EFHD2: variants seen among roughly 807,000 people sequenced by gnomAD.
EFHD2 encodes the protein EF-hand domain-containing protein D2.
EFHD2 carries 12 observed loss-of-function variants against 20.3 expected under a neutral mutation model. The ratio of observed to expected loss-of-function variants is 0.59; its 90% CI spans 0.38 to 0.96. The LOEUF (loss-of-function observed/expected upper bound fraction) is 0.96. Ranked by LOEUF, EFHD2 falls within the 40% of genes least tolerant of loss-of-function variation. The pLI is 0.00. For synonymous variants in EFHD2, 131 were observed against 143.9 expected (o/e 0.91, Z 0.64); for missense variants, 250 against 334.3 (o/e 0.75, Z 1.97).
intron 1 of EFHD2, among the ~76,000 whole-genome samples, chr1:15,420,346 G>C (rs1707768873): frequency 6.6e-6 from 1 of 151,912 alleles, no homozygotes; most frequent in African/African-American, 2.4e-5. Flanking sequence ...TCTTTTTTGT[G>C]TTTGTTTGTC....
chr1:15,419,148 G>A (rs1012621958), intron 1 of EFHD2, among the ~76,000 whole-genome samples: 4 of 152,226 alleles, frequency 2.6e-5, no homozygotes, highest in Non-Finnish European at 4.4e-5. Flanking sequence ...AGAGGGGCAG[G>A]GGCAGGGAAG....
intron 1 of EFHD2, 124 bp from the exon 2 acceptor site, chr1:15,425,747 C>G (rs1018595728): frequency 7.2e-7 from 1 of 1,394,192 alleles, no homozygotes; most frequent in African/African-American, 1.5e-5. Flanking sequence ...AGGTCCCTTC[C>G]AACAGTGACG....
Position 15,413,382 on chromosome 1 carries a change from A to G in EFHD2, c.308+3103A>G, listed in dbSNP as rs1707580797. On this transcript the variant is annotated intron_variant, in intron 1 of 3. Transcript: ENST00000375980. The surrounding 1 kb of genome is among the most constrained non-coding windows in gnomAD (Gnocchi z 4.4). ...TGGGCCTCAGTCTACCCACCTGTAA[A>G]AGGGGCAGGCTATCCCTCATGACCC... 6.6e-6 allele frequency among the ~76,000 whole-genome samples: 1 copy of G among 152,010 alleles called. No homozygotes were observed. The highest frequency in any genetic ancestry group is 1.5e-5 in the Non-Finnish European group (1 of 67,982).
Position 15,425,926 on chromosome 1 carries a change from G to A in EFHD2, c.364G>A (p.Glu122Lys). Residue 122 changes from glutamate to lysine, a missense_variant, in exon 2 of 4, where the codon GAG becomes AAG. Glu to Lys is a moderately conservative substitution (Grantham distance 56). Around this residue, in one of 3 missense-constraint regions of EFHD2, gnomAD observed 143 missense variants for 190.6 expected, o/e 0.75. Transcript: ENST00000375980. Reference protein sequence around the residue: ...IDLMELKLMMEKLGAPQTHLG... With the variant: ...IDLMELKLMMKKLGAPQTHLG... ...CCTGATGGAGCTAAAACTCATGATG[G>A]AGAAACTTGGGGCCCCTCAGACCCA... The A allele has an allele frequency of 1.2e-6, 2 of 1,606,436 alleles. No individual in the cohort carries two copies. Among genetic ancestry groups the A allele is most frequent in the Non-Finnish European group, 1.7e-6 (2 of 1,176,916 alleles).
At chr1:15,423,661 C>T (rs1344711247) in intron 1 of EFHD2, among the ~76,000 whole-genome samples, 1 of 152,186 alleles carries the variant, frequency 6.6e-6, no homozygotes, top group Non-Finnish European at 1.5e-5. Flanking sequence ...AGCATAAAGA[C>T]AGATCTCAGT....
rs1246834853 is a variant in EFHD2 at position 15,429,725 on chromosome 1, C to T, written c.*1001C>T. 2 of 152,758 alleles carry T rather than the reference C, an allele frequency of 1.3e-5. No homozygotes were observed. Among genetic ancestry groups the T allele is most frequent in the African/African-American group, 2.4e-5 (1 of 41,420 alleles). The allele number at this position is 152,758 out of a possible 1,614,324, so 9.5% of individuals were successfully genotyped here. The stretch of plus-strand genomic sequence containing the variant: ...CCGCCATCCTTCCCCAAGTGACGTC[C>T]ACTGCCTTGTCACCAGCGACCTGCC... On this transcript the variant is annotated 3_prime_UTR_variant, in exon 4 of 4. Coordinates refer to ENST00000375980, the MANE Select transcript of EFHD2 (RefSeq NM_024329.6).
chr1:15,412,010 TG>T (rs762294960), intron 1 of EFHD2, among the ~76,000 whole-genome samples: 1 of 152,066 alleles, frequency 6.6e-6, no homozygotes, highest in Non-Finnish European at 1.5e-5. Context: ...AAGGTCCTTC[TG>T]GGGGAAAATC....
intron 1 of EFHD2, among the ~76,000 whole-genome samples, chr1:15,411,175 C>G (rs1222209375): frequency 6.6e-6 from 1 of 150,558 alleles, no homozygotes; most frequent in Non-Finnish European, 1.5e-5. Context: ...TCGCAAGGCC[C>G]CCCATCTCTC....
chr1:15,411,380 C>A (rs1283348558), intron 1 of EFHD2, among the ~76,000 whole-genome samples: 1 of 152,108 alleles, frequency 6.6e-6, no homozygotes, highest in Non-Finnish European at 1.5e-5. Context: ...ATCCCCCTGT[C>A]CCCCCACAAA....
chr1:15,416,691 TC>T (rs1359410319), intron 1 of EFHD2, among the ~76,000 whole-genome samples: 2 of 150,976 alleles, frequency 1.3e-5, no homozygotes, highest in Non-Finnish European at 2.9e-5. Flanking sequence ...AACCTGGGCC[TC>T]CCCGGCTCCA....
chr1:15,425,728 C>G (rs1323654964), intron 1 of EFHD2, 143 bp from the exon 2 acceptor site: 1 of 1,204,866 alleles, frequency 8.3e-7, no homozygotes, highest in Non-Finnish European at 1.1e-6. Flanking sequence ...GGGTCCTCTG[C>G]CTGGACTGAG....
Position 15,427,202 on chromosome 1 carries a change from G to A in EFHD2, c.509G>A (p.Gly170Glu), listed in dbSNP as rs1156391445. 2 of 1,606,048 alleles carry A rather than the reference G, an allele frequency of 1.2e-6. No homozygotes were observed. Among genetic ancestry groups the A allele is most frequent in the Admixed American group, 1.7e-5 (1 of 58,524 alleles). ...GCCGGGGAGCTTCAGGAGGACAGCG[G>A]GCTGTGCGTGCTGGCCCGCCTCTCT... ...AAAGELQEDSGLCVLARLSEI... is the reference protein window; with the variant it reads ...AAAGELQEDSELCVLARLSEI... Residue 170 changes from glycine to glutamate, a missense_variant, in exon 3 of 4, where the codon GGG (glycine) becomes GAG (glutamate). Around this residue, in one of 3 missense-constraint regions of EFHD2, gnomAD observed 100 missense variants for 116.2 expected, o/e 0.86. Coordinates refer to ENST00000375980, the MANE Select transcript of EFHD2 (RefSeq NM_024329.6).
At chr1:15,414,359 G>T (rs1013512552) in intron 1 of EFHD2, among the ~76,000 whole-genome samples, 1 of 152,242 alleles carries the variant, frequency 6.6e-6, no homozygotes, top group Non-Finnish European at 1.5e-5. Context: ...CTTCCTGGAC[G>T]CAGTCAGCAG....
chr1:15,419,633 C>A (rs554741058), intron 1 of EFHD2, among the ~76,000 whole-genome samples: 1 of 152,240 alleles, frequency 6.6e-6, no homozygotes, highest in Admixed American at 6.5e-5. Context: ...AGTTTCCCTA[C>A]ATAATGTAAA....
At chr1:15,414,711 G>C (rs1251295495) in intron 1 of EFHD2, among the ~76,000 whole-genome samples, 1 of 152,210 alleles carries the variant, frequency 6.6e-6, no homozygotes, top group Non-Finnish European at 1.5e-5. Context: ...CTTTGCTTTG[G>C]GCCCTAGTGA....
chr1:15,417,998 T>C (rs1255307085), intron 1 of EFHD2, among the ~76,000 whole-genome samples: 1 of 143,182 alleles, frequency 7.0e-6, no homozygotes, highest in Non-Finnish European at 1.5e-5. Flanking sequence ...TTTTTTTTTT[T>C]TTTTTTTTTG....
chr1:15,426,123 T>A lies in EFHD2; in HGVS notation c.456+105T>A. 3.2e-6 allele frequency: 4 copies of A among 1,238,562 alleles called. No homozygotes were observed. Among genetic ancestry groups the A allele is most frequent in the African/African-American group, 1.6e-5 (1 of 63,908 alleles). The allele number at this position is 1,238,562 out of a possible 1,614,324, so 76.7% of individuals were successfully genotyped here. On this transcript the variant is annotated intron_variant, in intron 2 of 3. Coordinates refer to ENST00000375980, the MANE Select transcript of EFHD2 (RefSeq NM_024329.6). The surrounding 1 kb of genome is among the most constrained non-coding windows in gnomAD (Gnocchi z 4.6). ...CCCTTTGTCAATGAATGAATGACAT[T>A]GCCATTGAACAGCAGCTGTGAGCAG...
rs1432233753 is a variant in EFHD2 at position 15,413,845 on chromosome 1, C to T, written c.308+3566C>T. On this transcript the variant is annotated intron_variant, in intron 1 of 3. Coordinates refer to ENST00000375980, the MANE Select transcript of EFHD2 (RefSeq NM_024329.6). This position sits in a 1 kb window ranked among gnomAD's most constrained non-coding sequence, Gnocchi z 4.4. ...TGGGCCAGTGCCAGGCACAAGGAGG[C>T]TCTGCGTCTCCCTGGCCCTCGCAGC... Among the ~76,000 whole-genome samples, 1 of 152,180 alleles carries T rather than the reference C, an allele frequency of 6.6e-6. No individual in the cohort carries two copies. The highest frequency in any genetic ancestry group is 1.5e-5 in the Non-Finnish European group (1 of 68,036).
intron 3 of EFHD2, 133 bp from the exon 4 acceptor site, chr1:15,428,460 G>A (rs1432625757): frequency 2.1e-5 from 24 of 1,170,184 alleles, no homozygotes; most frequent in African/African-American, 4.7e-5. Context: ...TTGCGCCATC[G>A]CACTCCAGCC....
Sources: gnomAD v4.1 joint callset for allele counts (sites outside exome capture counted in the v4.1 genomes callset) on GRCh38, gnomAD v4.1.1 for gene constraint, gnomAD v4.1.1 regional missense constraint, Gnocchi (gnomAD v3.1) non-coding constraint, MANE v1.5 for transcripts, NCBI Gene and HGNC (gene_info 2026-07-23, HGNC 2026-07-21) for gene names.